Variants in TIAM1 observed in about 807,000 individuals in gnomAD.
TIAM1 encodes rho guanine nucleotide exchange factor TIAM1.
Under a neutral mutation model 163.5 loss-of-function variants are expected in TIAM1, and 65 were observed. The ratio of observed to expected loss-of-function variants is 0.40; its 90% confidence interval spans 0.33 to 0.49. The LOEUF is 0.49. Among genes scored for constraint, TIAM1 ranks in the 20% least tolerant of loss-of-function variants. TIAM1 has a pLI of 0.77. For synonymous variants in TIAM1, 833 were observed against 810.1 expected, an observed-to-expected ratio of 1.03 and a Z score of -0.48; for missense variants, 1,789 against 2,044.7, an observed-to-expected ratio of 0.87 and a Z score of 2.41.
chr21:31,202,457 T>G (rs1019178948), intron 12 of TIAM1, among the ~76,000 whole-genome samples: 4 of 151,924 alleles, frequency 2.6e-5, no homozygotes, highest in Non-Finnish European at 2.9e-5. Flanking sequence ...TTCCAGTTAC[T>G]CAGGAGGCTG....
At chr21:31,364,670 CGGATGGAT>C (rs892291074) in intron 2 of TIAM1, among the ~76,000 whole-genome samples, 14 of 151,530 alleles carry the variant, frequency 9.2e-5, no homozygotes, top group African/African-American at 3.4e-4. Context: ...CATGGATGGA[CGGATGGAT>C]GGATGGGTGG....
At chr21:31,437,533 G>A (rs1327028357) in intron 2 of TIAM1, among the ~76,000 whole-genome samples, 1 of 144,866 alleles carries the variant, frequency 6.9e-6, no homozygotes, top group East Asian at 2.0e-4. Context: ...ACATAATAGG[G>A]TGGTATGGTT....
At chr21:31,521,880 CTT>C (rs756232583) in intron 1 of TIAM1, among the ~76,000 whole-genome samples, 2 of 151,814 alleles carry the variant, frequency 1.3e-5, no homozygotes, top group South Asian at 4.2e-4. Flanking sequence ...CTTAATAATT[CTT>C]TTTTTTGGAG....
chr21:31,310,454 G>A (rs898278039), intron 2 of TIAM1, among the ~76,000 whole-genome samples: 2 of 152,162 alleles, frequency 1.3e-5, no homozygotes, highest in Admixed American at 6.5e-5. Context: ...CGGGTTGTGC[G>A]TTACAAGAGT....
chr21:31,440,568 AC>A (rs1414259620), intron 2 of TIAM1, among the ~76,000 whole-genome samples: 1 of 152,170 alleles, frequency 6.6e-6, no homozygotes, highest in Non-Finnish European at 1.5e-5. Context: ...GGTTAAGAAA[AC>A]CTTTAGATTT....
At position 31,202,931 on chromosome 21, in the gene TIAM1, G is replaced by T. The variant is rs1052482433; in HGVS notation, c.2470C>A (p.Pro824Thr). The T allele has an allele frequency of 6.2e-7, 1 of 1,614,078 alleles. No individual in the cohort carries two copies. The highest frequency in any genetic ancestry group is 1.3e-5 in the African/African-American group (1 of 75,032). ...ENKMQLYVPQ[P>T]EEDIYELLYK... Reference sequence around the variant, plus strand: ...ACCAGCTCATAGATGTCTTCCTCGGGCTGTGGAACATAGAGCTGCATTTTG... The same window carrying T: ...ACCAGCTCATAGATGTCTTCCTCGGTCTGTGGAACATAGAGCTGCATTTTG... Residue 824 changes from proline to threonine, a missense_variant, in exon 12 of 28, where the codon CCC becomes ACC. Physicochemically the swap from Pro to Thr is conservative, Grantham distance 38. Around this residue, in one of 5 missense-constraint regions of TIAM1, gnomAD observed 456 missense variants for 586.6 expected, o/e 0.78. Transcript: ENST00000541036.
At position 31,369,257 on chromosome 21, in the gene TIAM1, A is replaced by ATAAT. The variant is rs567586895; in HGVS notation, c.-368-29839_-368-29836dup. Among the ~76,000 whole-genome samples the ATAAT allele has an allele frequency of 3.3e-5, 5 of 150,634 alleles. No homozygotes were observed. The South Asian group carries it at 1.1e-3, about 32-fold the overall frequency. On this transcript the variant is annotated intron_variant, in intron 2 of 28. Transcript: ENST00000286827. ...AAAGAAAGAAAGAAAGAAAGGGATG[A>ATAAT]TAATGAGGAAGCTACATGAGACTGA... is the stretch of plus-strand genomic sequence containing the variant.
rs567897845 is a variant in TIAM1, at chr21:31,521,796, A to G, written c.-422+37131T>C. 1.0e-4 allele frequency among the ~76,000 whole-genome samples: 15 copies of G among 149,976 alleles called. No individual in the cohort carries two copies. In the South Asian group the frequency reaches 2.7e-3, roughly 27 times the overall value. Reference sequence around the variant, plus strand: ...CACACACAAAGTAAAGGACAGTAAGAACTCTAATAATTTTTTTTGTTTGTT... The same window carrying G: ...CACACACAAAGTAAAGGACAGTAAGGACTCTAATAATTTTTTTTGTTTGTT... On this transcript the variant is annotated intron_variant, in intron 1 of 28. Transcript: ENST00000286827.
chr21:31,401,352 G>T lies in TIAM1; in HGVS notation c.-368-61930C>A, dbSNP rs186285616. 3.7e-3 allele frequency among the ~76,000 whole-genome samples: 568 copies of T among 152,242 alleles called. 6 individuals are homozygous for T. Among genetic ancestry groups the T allele is most frequent in the African/African-American group, 0.013 (535 of 41,550 alleles). Reference sequence around the variant, plus strand: ...TTCTGTACCTCTTCCTCATTCTACTGTCTAGACCTGAAATTTTAACTGGGA... The same window carrying T: ...TTCTGTACCTCTTCCTCATTCTACTTTCTAGACCTGAAATTTTAACTGGGA... On this transcript the variant is annotated intron_variant, in intron 2 of 28. Coordinates refer to the TIAM1 transcript ENST00000286827.
At chr21:31,334,474 C>T (rs1334447709) in intron 2 of TIAM1, among the ~76,000 whole-genome samples, 1 of 152,122 alleles carries the variant, frequency 6.6e-6, no homozygotes, top group African/African-American at 2.4e-5. Context: ...TGCTTCAGTC[C>T]TCATTACACA....
intron 13 of TIAM1, among the ~76,000 whole-genome samples, chr21:31,187,676 C>A (rs1568992377): frequency 6.6e-6 from 1 of 152,120 alleles, no homozygotes; most frequent in Non-Finnish European, 1.5e-5. Flanking sequence ...CTTCTCTGGG[C>A]TCCCAGAGCT....
intron 15 of TIAM1, among the ~76,000 whole-genome samples, chr21:31,181,789 T>C (rs1601443327): frequency 2.2e-5 from 2 of 90,934 alleles, no homozygotes; most frequent in African/African-American, 5.0e-5. Flanking sequence ...TTTTTTTTTT[T>C]TTTTTTTTTT....
intron 2 of TIAM1, among the ~76,000 whole-genome samples, chr21:31,419,513 A>G (rs2043491133): frequency 6.6e-6 from 1 of 152,214 alleles, no homozygotes; most frequent in African/African-American, 2.4e-5. Flanking sequence ...TAATACTAGT[A>G]TGTCCAGACG....
chr21:31,459,869 A>G (rs925807075), intron 2 of TIAM1, among the ~76,000 whole-genome samples: 19 of 152,304 alleles, frequency 1.2e-4, no homozygotes, highest in Admixed American at 6.5e-4. Context: ...GTCTTCAAAG[A>G]GCCAACTGGA....
At chr21:31,453,395 G>A (rs1235382635) in intron 2 of TIAM1, among the ~76,000 whole-genome samples, 1 of 152,150 alleles carries the variant, frequency 6.6e-6, no homozygotes, top group African/African-American at 2.4e-5. Context: ...GTGGCCTCCA[G>A]CTGACAGCCA....
chr21:31,392,169 C>T (rs917199805), intron 2 of TIAM1, among the ~76,000 whole-genome samples: 2 of 152,188 alleles, frequency 1.3e-5, no homozygotes, highest in Non-Finnish European at 2.9e-5. Context: ...GATGGGTTTA[C>T]TGAGTCATAT....
At chr21:31,239,989 CA>C (rs1226412679) in intron 6 of TIAM1, among the ~76,000 whole-genome samples, 1 of 152,144 alleles carries the variant, frequency 6.6e-6, no homozygotes, top group Non-Finnish European at 1.5e-5. Context: ...GTTTGTCCAA[CA>C]GAAATGTGGA....
Position 31,538,784 on chromosome 21 carries a change from C to T in TIAM1, c.-422+20143G>A, listed in dbSNP as rs545643952. ...CCTGAAATTTTAGCTGCAAAGCAAG[C>T]GGGGAGGGGTCCCTGAAAACGTTTT... On this transcript the variant is annotated intron_variant, in intron 1 of 28. Coordinates refer to the TIAM1 transcript ENST00000286827. Among the ~76,000 whole-genome samples, 5 of 152,162 alleles carry T rather than the reference C, an allele frequency of 3.3e-5. No individual in the cohort carries two copies. The South Asian group carries it at 6.2e-4, about 19-fold the overall frequency.
At chr21:31,377,759 A>G (rs1162798242) in intron 2 of TIAM1, among the ~76,000 whole-genome samples, 1 of 151,872 alleles carries the variant, frequency 6.6e-6, no homozygotes, top group Non-Finnish European at 1.5e-5. Context: ...CTTGGATACC[A>G]CATCTCCCAT....
Sources: allele counts gnomAD v4.1 joint callset (sites outside exome capture counted in the v4.1 genomes callset), GRCh38; gene constraint gnomAD v4.1.1; regional missense constraint gnomAD v4.1.1; transcripts MANE v1.5; gene names NCBI Gene and HGNC (gene_info 2026-07-23, HGNC 2026-07-21).